Variants in PAX5 observed in about 807,000 individuals in gnomAD.
PAX5 encodes paired box protein Pax-5.
A neutral mutation model predicts 43.7 loss-of-function variants in PAX5; 9 were observed. The ratio of observed to expected loss-of-function variants is 0.21; its 90% CI spans 0.12 to 0.36. The LOEUF (loss-of-function observed/expected upper bound fraction) is 0.36, where lower values mean the gene tolerates loss of function less well. Among genes scored for constraint, PAX5 ranks in the 10% least tolerant of loss-of-function variants. The probability of loss-of-function intolerance (pLI) is 1.00; values close to 1 mark genes in which losing one functional copy is unlikely to be tolerated. For synonymous variants in PAX5, 228 were observed against 214.3 expected (o/e 1.06, Z -0.56); for missense variants, 383 against 532.7 (o/e 0.72, Z 2.77).
intron 7 of PAX5, among the ~76,000 whole-genome samples, chr9:36,916,927 C>T (rs1034613520): frequency 7.2e-5 from 11 of 152,102 alleles, no homozygotes; most frequent in African/African-American, 2.2e-4. Context: ...TCAAATGATC[C>T]GCCTGCCTTG....
chr9:36,924,955 C>T (rs945387584), intron 6 of PAX5, among the ~76,000 whole-genome samples: 4 of 151,908 alleles, frequency 2.6e-5, no homozygotes, highest in Admixed American at 1.3e-4. Context: ...ATGGAGGACA[C>T]ACCCATGTTG....
In PAX5 at chr9:36,834,415, T is replaced by TGA. The variant is rs779475124; in HGVS notation, c.*6143_*6144dup. The TGA allele has an allele frequency of 5.8e-6, 1 of 171,222 alleles. No homozygotes were observed. Among genetic ancestry groups the TGA allele is most frequent in the African/African-American group, 3.7e-5 (1 of 27,334 alleles). The allele number at this position is 171,222 out of a possible 1,614,324, so 10.6% of individuals were successfully genotyped here. On this transcript the variant is annotated 3_prime_UTR_variant, in exon 10 of 10. Transcript: ENST00000358127. Reference sequence around the variant, plus strand: ...TATGTCTGAGGTGTAGGGGAGTGAGTGAGTGTGTGTGTGTGTGTGTGTGTG... The same window carrying TGA: ...TATGTCTGAGGTGTAGGGGAGTGAGTGAGAGTGTGTGTGTGTGTGTGTGTGTG...
intron 7 of PAX5, among the ~76,000 whole-genome samples, chr9:36,909,838 T>TTA (rs57927422): frequency 6.7e-6 from 1 of 148,670 alleles, no homozygotes; most frequent in Non-Finnish European, 1.5e-5. Flanking sequence ...TTTTTTTTTT[T>TTA]AGATATAGGG....
chr9:36,887,926 A>G (rs1165952334), intron 7 of PAX5, among the ~76,000 whole-genome samples: 1 of 136,864 alleles, frequency 7.3e-6, no homozygotes, highest in Admixed American at 7.1e-5. Flanking sequence ...TTGCAGCTCA[A>G]TAATAGACAA....
intron 3 of PAX5, among the ~76,000 whole-genome samples, chr9:37,009,722 G>A (rs1455830570): frequency 1.3e-5 from 2 of 151,736 alleles, no homozygotes; most frequent in East Asian, 1.9e-4. Context: ...ATGTTTGAGG[G>A]GATGCATACC....
At chr9:36,934,887 T>C (rs1277371587) in intron 6 of PAX5, among the ~76,000 whole-genome samples, 1 of 152,188 alleles carries the variant, frequency 6.6e-6, no homozygotes, top group Non-Finnish European at 1.5e-5. Context: ...AGATGTGACA[T>C]AAATGCCTGT....
intron 8 of PAX5, among the ~76,000 whole-genome samples, chr9:36,859,154 CT>C (rs1823949909): frequency 6.6e-6 from 1 of 152,156 alleles, no homozygotes; most frequent in African/African-American, 2.4e-5. Flanking sequence ...TCTGCACACC[CT>C]TCCTGCCCCC....
chr9:36,952,684 G>T (rs6476600), intron 6 of PAX5, among the ~76,000 whole-genome samples: 1 of 151,846 alleles, frequency 6.6e-6, no homozygotes, highest in African/African-American at 2.4e-5. Flanking sequence ...TGCAATATAC[G>T]TTTATATCTA....
At chr9:36,926,206 G>A (rs2131985564) in intron 6 of PAX5, among the ~76,000 whole-genome samples, 1 of 152,180 alleles carries the variant, frequency 6.6e-6, no homozygotes. Flanking sequence ...CCAAAACCTT[G>A]ACAATGACCC....
intron 6 of PAX5, among the ~76,000 whole-genome samples, chr9:36,949,830 A>G (rs1350986500): frequency 6.6e-6 from 1 of 152,096 alleles, no homozygotes; most frequent in Non-Finnish European, 1.5e-5. Flanking sequence ...ATCTCCTCAG[A>G]ATTCCACATT....
In PAX5 at chr9:36,836,266, C is replaced by A; in HGVS notation, c.*4294G>T. On this transcript the variant is annotated 3_prime_UTR_variant, in exon 10 of 10. Coordinates refer to ENST00000358127, the MANE Select transcript of PAX5 (RefSeq NM_016734.3). ...TCCACCCAACTCCATCTTCAAAGCGCAAGACTTGCAAGAGCCCAAGATGAG... is the reference window on the plus strand; with the variant it reads ...TCCACCCAACTCCATCTTCAAAGCGAAAGACTTGCAAGAGCCCAAGATGAG... 4.3e-6 allele frequency: 1 copy of A among 233,454 alleles called. No homozygotes were observed. Among genetic ancestry groups the A allele is most frequent in the Non-Finnish European group, 8.5e-6 (1 of 118,188 alleles). The allele number at this position is 233,454 out of a possible 1,614,324, so 14.5% of individuals were successfully genotyped here.
chr9:36,987,282 T>C (rs138965595), intron 5 of PAX5, among the ~76,000 whole-genome samples: 145 of 152,292 alleles, frequency 9.5e-4, no homozygotes, highest in African/African-American at 3.5e-3. Context: ...GTTATGGAAT[T>C]CTCACAGTAA....
intron 8 of PAX5, chr9:36,860,884 G>C (rs935414195): frequency 6.6e-6 from 1 of 152,280 alleles, no homozygotes; most frequent in African/African-American, 2.4e-5. Context: ...AGCTCCCAAG[G>C]CTGGACCAGA....
At chr9:36,895,088 G>A (rs952227931) in intron 7 of PAX5, among the ~76,000 whole-genome samples, 6 of 152,180 alleles carry the variant, frequency 3.9e-5, no homozygotes, top group African/African-American at 1.4e-4. Flanking sequence ...ACTCACACTC[G>A]CTGCACCTCC....
At chr9:36,976,196 C>T (rs897749357) in intron 5 of PAX5, among the ~76,000 whole-genome samples, 1 of 152,220 alleles carries the variant, frequency 6.6e-6, no homozygotes, top group African/African-American at 2.4e-5. Flanking sequence ...GAGCTCTAAG[C>T]TCCCTGGCAG....
At chr9:37,025,314 ACGGACATG>A in intron 1 of PAX5, among the ~76,000 whole-genome samples, 1 of 152,144 alleles carries the variant, frequency 6.6e-6, no homozygotes, top group South Asian at 2.1e-4. Context: ...CGTGGCAGAC[ACGGACATG>A]CTCGCCCCGG....
intron 6 of PAX5, chr9:36,930,883 A>G: frequency 7.6e-7 from 1 of 1,307,534 alleles, no homozygotes; most frequent in Admixed American, 2.3e-5. Context: ...TCCCTAGGAA[A>G]TTACCTGGAA....
chr9:36,861,595 G>A (rs1334164285), intron 8 of PAX5, among the ~76,000 whole-genome samples: 1 of 151,938 alleles, frequency 6.6e-6, no homozygotes, highest in Non-Finnish European at 1.5e-5. Flanking sequence ...GGTAGCAAGA[G>A]TTTGCCATAT....
At chr9:37,033,625 CACAGGCAAACA>C in intron 1 of PAX5, among the ~76,000 whole-genome samples, 1 of 151,970 alleles carries the variant, frequency 6.6e-6, no homozygotes, top group East Asian at 1.9e-4. Context: ...CACACACACA[CACAGGCAAACA>C]ACTTTTGGAC....
Sources: gnomAD v4.1 joint callset for allele counts (sites outside exome capture counted in the v4.1 genomes callset) on GRCh38, gnomAD v4.1.1 for gene constraint, MANE v1.5 for transcripts, NCBI Gene and HGNC (gene_info 2026-07-23, HGNC 2026-07-21) for gene names.